AFF1: variants seen among roughly 807,000 people sequenced by gnomAD.
AFF1 encodes ALF transcription elongation factor 1, also known as AF4/FMR2 family member 1.
In AFF1, 48 loss-of-function variants were observed where a neutral mutation model predicts 121.7. That is an observed-to-expected ratio of 0.39 (90% confidence interval 0.31 to 0.50). The LOEUF (loss-of-function observed/expected upper bound fraction) is 0.50, where lower values mean the gene tolerates loss of function less well. Ranked by LOEUF, AFF1 falls within the 20% of genes least tolerant of loss-of-function variation. The probability of loss-of-function intolerance (pLI) is 0.76; values close to 1 mark genes in which losing one functional copy is unlikely to be tolerated. For synonymous variants in AFF1, 613 were observed against 563.0 expected, an observed-to-expected ratio of 1.09 and a Z score of -1.26; for missense variants, 1,523 against 1,511.7, an observed-to-expected ratio of 1.01 and a Z score of -0.12.
intron 11 of AFF1, among the ~76,000 whole-genome samples, chr4:87,111,893 C>T (rs539776501): frequency 6.6e-6 from 1 of 152,286 alleles, no homozygotes; most frequent in African/African-American, 2.4e-5. Context: ...TCAGGACGTT[C>T]CTTTAGGGAC....
At chr4:87,127,178 C>CG in intron 15 of AFF1, 61 bp downstream of exon 15, 7 of 1,298,798 alleles carry the variant, frequency 5.4e-6, no homozygotes, top group South Asian at 2.4e-5. Context: ...CCCCCCCCAC[C>CG]AAGATAGAGT....
chr4:86,940,809 T>G (rs892610631), intron 1 of AFF1, among the ~76,000 whole-genome samples: 2 of 152,042 alleles, frequency 1.3e-5, no homozygotes, highest in South Asian at 2.1e-4. Flanking sequence ...AGGGAGGGGC[T>G]GGGCATGGTG....
chr4:86,978,176 A>ATTTTTTT (rs1723449569), intron 2 of AFF1, among the ~76,000 whole-genome samples: 4 of 22,652 alleles, frequency 1.8e-4, no homozygotes, highest in Non-Finnish European at 4.7e-4. Context: ...CATTACATTC[A>ATTTTTTT]CTTTTTTTTT....
intron 10 of AFF1, among the ~76,000 whole-genome samples, chr4:87,107,162 T>C (rs1379475274): frequency 6.6e-6 from 1 of 152,262 alleles, no homozygotes; most frequent in East Asian, 1.9e-4. Context: ...CGTGTGTGTT[T>C]TAAAGTTACC....
chr4:87,040,693 C>T (rs773642854), intron 2 of AFF1, among the ~76,000 whole-genome samples: 1 of 151,796 alleles, frequency 6.6e-6, no homozygotes, highest in South Asian at 2.1e-4. Context: ...CCTCAGCCTC[C>T]GTAGTAGCTG....
intron 2 of AFF1, among the ~76,000 whole-genome samples, chr4:87,021,570 T>A (rs960806312): frequency 1.3e-5 from 2 of 152,234 alleles, no homozygotes; most frequent in African/African-American, 4.8e-5. Context: ...CTTGATTGAA[T>A]CAGTATGCCT....
rs1729660894 is a variant in AFF1, at chr4:87,140,891, A to T, written c.*5190A>T. On this transcript the variant is annotated 3_prime_UTR_variant, in exon 21 of 21. Coordinates refer to ENST00000395146, the MANE Select transcript of AFF1 (RefSeq NM_001166693.3). ...AAATCTGCAAAAGATCTTTCCAAAGACAATGTGCCACAGATCTTTTGTTCT... is the reference window on the plus strand; with the variant it reads ...AAATCTGCAAAAGATCTTTCCAAAGTCAATGTGCCACAGATCTTTTGTTCT... The T allele has an allele frequency of 1.1e-5, 2 of 184,708 alleles. No homozygotes were observed. The highest frequency in any genetic ancestry group is 1.2e-5 in the Non-Finnish European group (1 of 86,812). The allele number at this position is 184,708 out of a possible 1,614,324, so 11.4% of individuals were successfully genotyped here.
intron 12 of AFF1, among the ~76,000 whole-genome samples, chr4:87,121,326 T>G (rs1156787231): frequency 6.6e-6 from 1 of 152,224 alleles, no homozygotes; most frequent in African/African-American, 2.4e-5. Context: ...CCTCCTGTTT[T>G]ACGGCAGGTC....
chr4:86,984,216 G>C (rs991371792), intron 2 of AFF1, among the ~76,000 whole-genome samples: 1 of 152,006 alleles, frequency 6.6e-6, no homozygotes, highest in African/African-American at 2.4e-5. Flanking sequence ...TGATGATTAA[G>C]GTTGTTTGGC....
At chr4:87,072,714 A>G (rs1002513891) in intron 4 of AFF1, among the ~76,000 whole-genome samples, 29 of 151,952 alleles carry the variant, frequency 1.9e-4, no homozygotes, top group African/African-American at 6.8e-4. Flanking sequence ...TATTTTTAGT[A>G]GAGATGGGAT....
At chr4:87,134,358 A>G in intron 19 of AFF1, 113 bp from the exon 20 acceptor site, 1 of 971,278 alleles carries the variant, frequency 1.0e-6, no homozygotes, top group Non-Finnish European at 1.5e-6. Context: ...TCATTTTGGC[A>G]GGTGTATAGT....
chr4:86,951,616 TTTTTTTC>T (rs1310720060), intron 2 of AFF1, among the ~76,000 whole-genome samples: 1,473 of 97,780 alleles, frequency 0.015, 49 homozygotes, highest in African/African-American at 0.048. Context: ...TTCTTTTTTC[TTTTTTTC>T]TTTTTTTTTT....
At chr4:87,103,372 T>C (rs1725617190) in intron 8 of AFF1, among the ~76,000 whole-genome samples, 3 of 152,212 alleles carry the variant, frequency 2.0e-5, no homozygotes, top group Admixed American at 2.0e-4. Context: ...ATCAAATAAA[T>C]TATACTCACA....
At chr4:86,950,372 T>A (rs921837352) in intron 2 of AFF1, among the ~76,000 whole-genome samples, 1 of 152,124 alleles carries the variant, frequency 6.6e-6, no homozygotes, top group Non-Finnish European at 1.5e-5. Flanking sequence ...GGTTTCACCA[T>A]GTTGGCAGGC....
intron 2 of AFF1, among the ~76,000 whole-genome samples, chr4:86,983,546 AAAAAAT>A (rs1482794742): frequency 2.0e-5 from 3 of 151,950 alleles, no homozygotes; most frequent in Non-Finnish European, 4.4e-5. Flanking sequence ...TAAAAAAATT[AAAAAAT>A]AAAAATACTA....
chr4:87,043,287 A>T (rs1393360660), intron 2 of AFF1, among the ~76,000 whole-genome samples: 1 of 152,160 alleles, frequency 6.6e-6, no homozygotes, highest in African/African-American at 2.4e-5. Flanking sequence ...GCCCATGGTA[A>T]GCTTTCCCCA....
intron 2 of AFF1, among the ~76,000 whole-genome samples, chr4:86,992,099 A>G (rs950651035): frequency 2.4e-4 from 36 of 152,148 alleles, no homozygotes; most frequent in African/African-American, 8.0e-4. Context: ...ATAGGATTCT[A>G]TGACTGCTTC....
At chr4:87,047,645 G>T in intron 4 of AFF1, 51 bp downstream of exon 4, 1 of 1,611,076 alleles carries the variant, frequency 6.2e-7, no homozygotes, top group East Asian at 2.2e-5. Context: ...ACGGATTTGA[G>T]ATGAAAATGT....
intron 2 of AFF1, among the ~76,000 whole-genome samples, chr4:86,962,654 C>T (rs1462290247): frequency 6.6e-6 from 1 of 152,080 alleles, no homozygotes; most frequent in Non-Finnish European, 1.5e-5. Flanking sequence ...CTGGGACCAG[C>T]GCCTGGCACT....
Sources: allele counts gnomAD v4.1 joint callset (sites outside exome capture counted in the v4.1 genomes callset), GRCh38; gene constraint gnomAD v4.1.1; transcripts MANE v1.5; gene names NCBI Gene and HGNC (gene_info 2026-07-23, HGNC 2026-07-21).